Variants in TTC34 observed in about 807,000 individuals in gnomAD.
TTC34 encodes tetratricopeptide repeat domain 34, also known as tetratricopeptide repeat protein 34.
TTC34 carries 44 observed loss-of-function variants against 40.7 expected under a neutral mutation model. The ratio of observed to expected loss-of-function variants is 1.08; its 90% CI spans 0.85 to 1.39. The LOEUF is 1.39. Among genes scored for constraint, TTC34 ranks in the 40% most tolerant of loss-of-function variants. TTC34 has a pLI of 0.00. For synonymous variants in TTC34, 422 were observed against 398.6 expected, an observed-to-expected ratio of 1.06 and a Z score of -0.70; for missense variants, 884 against 838.0, an observed-to-expected ratio of 1.05 and a Z score of -0.68.
At chr1:2,755,780 A>C (rs1301445261) in intron 6 of TTC34, among the ~76,000 whole-genome samples, 6 of 89,322 alleles carry the variant, frequency 6.7e-5, no homozygotes, top group African/African-American at 2.4e-4. Context: ...AACGGCACCC[A>C]CACCCCCAGG....
rs34608061 is a variant in TTC34 at position 2,699,475 on chromosome 1, C to A, written c.2227-53912G>T. ...GCACCCACAGGCGAGCATCTGACAG[C>A]CTGGAGCAGCACCCACACACCCAGG... On this transcript the variant is annotated intron_variant, in intron 6 of 8. Coordinates refer to ENST00000401095, the Ensembl canonical transcript of TTC34. 1.6e-5 allele frequency among the ~76,000 whole-genome samples: 2 copies of A among 121,618 alleles called. 1 individual carries two copies. Among genetic ancestry groups the A allele is most frequent in the East Asian group, 5.2e-4 (2 of 3,860 alleles). 79.8% of individuals were successfully genotyped at this position (121,618 alleles called of 152,430 possible).
chr1:2,759,425 T>A (rs1424276243), intron 6 of TTC34, among the ~76,000 whole-genome samples: 174 of 7,332 alleles, frequency 0.024, no homozygotes, highest in African/African-American at 0.034. Flanking sequence ...ACAGCCTGGA[T>A]CAGCACCCAC....
At chr1:2,778,704 C>A (rs1643409779) in intron 6 of TTC34, among the ~76,000 whole-genome samples, 1 of 152,236 alleles carries the variant, frequency 6.6e-6, no homozygotes, top group East Asian at 1.9e-4. Context: ...GGAGGGGCAG[C>A]ACCCACCCTC....
chr1:2,748,921 CGCCAGGGGAG>C (rs1641230264), intron 6 of TTC34, among the ~76,000 whole-genome samples: 1 of 117,590 alleles, frequency 8.5e-6, no homozygotes, highest in Admixed American at 8.4e-5. Context: ...GAACCCACAC[CGCCAGGGGAG>C]TATCTGACAG....
Position 2,655,554 on chromosome 1 carries a change from C to A in TTC34, c.2227-9991G>T, listed in dbSNP as rs1443294917. Among the ~76,000 whole-genome samples, 3 of 131,650 alleles carry A rather than the reference C, an allele frequency of 2.3e-5. No individual in the cohort carries two copies. In the East Asian group the frequency reaches 7.1e-4, roughly 31 times the overall value. The allele number at this position is 131,650 out of a possible 152,430, so 86.4% of individuals were successfully genotyped here. On this transcript the variant is annotated intron_variant, in intron 6 of 8. Coordinates refer to ENST00000401095, the Ensembl canonical transcript of TTC34. ...CACACCCCCAGTGAGCATCTGACAG[C>A]CTGCAACAGCTCTCACAACCCCAGG...
intron 6 of TTC34, among the ~76,000 whole-genome samples, chr1:2,683,336 G>A (rs1477880091): frequency 2.0e-5 from 3 of 147,816 alleles, no homozygotes; most frequent in Non-Finnish European, 3.0e-5. Context: ...TGACAGACTG[G>A]AACACCACCC....
chr1:2,754,901 C>T (rs1641455430), intron 6 of TTC34, among the ~76,000 whole-genome samples: 1 of 81,996 alleles, frequency 1.2e-5, no homozygotes, highest in African/African-American at 8.8e-5. Flanking sequence ...ACCCTGCACC[C>T]CCAGGGGAGC....
chr1:2,682,506 C>G (rs1252722520), intron 6 of TTC34, among the ~76,000 whole-genome samples: 2 of 105,072 alleles, frequency 1.9e-5, no homozygotes, highest in Non-Finnish European at 4.2e-5. Flanking sequence ...GCAGTGCCCA[C>G]ACACCCAGGC....
rs1402280628 is a variant in TTC34 at position 2,645,334 on chromosome 1, G to A, written c.2456C>T (p.Pro819Leu). 2.0e-5 allele frequency: 30 copies of A among 1,520,574 alleles called. No individual in the cohort carries two copies. The highest frequency in any genetic ancestry group is 1.7e-4 in the Middle Eastern group (1 of 5,920). 94.2% of individuals were successfully genotyped at this position (1,520,574 alleles called of 1,614,324 possible). ...GTCTGCCAGGAGGAGGTGCCAGTGC[G>A]GTTGCCCTGAGTCGATTTTGATCAG... is the stretch of plus-strand genomic sequence containing the variant. The change falls in exon 7 of 9, where the codon CCG becomes CTG. Residue 819 changes from proline (P) to leucine (L), a missense_variant. Physicochemically the swap from Pro to Leu is moderately conservative, Grantham distance 98. Coordinates refer to ENST00000401095, the Ensembl canonical transcript of TTC34. The surrounding 1 kb of genome is among the most constrained non-coding windows in gnomAD (Gnocchi z 4.7).
At chr1:2,755,660 C>A (rs1449380409) in intron 6 of TTC34, among the ~76,000 whole-genome samples, 5 of 116,918 alleles carry the variant, frequency 4.3e-5, no homozygotes, top group Non-Finnish European at 6.7e-5. Context: ...GCAGCACCCA[C>A]AACCACAGGT....
At chr1:2,684,797 C>G (rs1342707049) in intron 6 of TTC34, among the ~76,000 whole-genome samples, 10 of 119,174 alleles carry the variant, frequency 8.4e-5, no homozygotes, top group South Asian at 2.7e-4. Context: ...GCACCCACAC[C>G]CCCAGGTGAG....
intron 6 of TTC34, among the ~76,000 whole-genome samples, chr1:2,752,219 A>T (rs1407125428): frequency 8.5e-6 from 1 of 117,620 alleles, no homozygotes; most frequent in Non-Finnish European, 1.7e-5. Context: ...CCCCCAGGTG[A>T]GCATCTGACA....
intron 5 of TTC34, among the ~76,000 whole-genome samples, chr1:2,784,460 C>T (rs2100622118): frequency 6.6e-6 from 1 of 152,270 alleles, no homozygotes; most frequent in South Asian, 2.1e-4. Flanking sequence ...GGATGATATC[C>T]AGCCTTCCAT....
chr1:2,764,280 C>T (rs1369274685), intron 6 of TTC34, among the ~76,000 whole-genome samples: 1 of 148,370 alleles, frequency 6.7e-6, no homozygotes, highest in Non-Finnish European at 1.5e-5. Flanking sequence ...GAGCATCTGA[C>T]AGCCTGGAGC....
At chr1:2,676,890 A>C (rs1329041005) in intron 6 of TTC34, among the ~76,000 whole-genome samples, 67 of 55,358 alleles carry the variant, frequency 1.2e-3, no homozygotes, top group East Asian at 2.0e-3. Flanking sequence ...CCCCACACCC[A>C]CAGGTGAGCA....
At chr1:2,797,280 C>T (rs768042486) in intron 2 of TTC34, among the ~76,000 whole-genome samples, 1 of 152,148 alleles carries the variant, frequency 6.6e-6, no homozygotes, top group Non-Finnish European at 1.5e-5. Flanking sequence ...GCCATCCTCA[C>T]CTCCAGATGT....
At chr1:2,785,877 G>C in exon 5 of TTC34, 1 of 1,540,362 alleles carries the variant, frequency 6.5e-7, no homozygotes, top group Non-Finnish European at 8.8e-7. Context: ...GAACCCTGCC[G>C]TCGGCCCCGC....
intron 6 of TTC34, among the ~76,000 whole-genome samples, chr1:2,751,353 G>T (rs1479891083): frequency 3.6e-5 from 3 of 83,312 alleles, no homozygotes; most frequent in South Asian, 8.5e-4. Context: ...GACAGCCTGG[G>T]TCGGCACCCA....
chr1:2,656,366 GCACCCACACCCACA>G (rs1639345504), intron 6 of TTC34, among the ~76,000 whole-genome samples: 1 of 95,182 alleles, frequency 1.1e-5, no homozygotes, highest in Non-Finnish European at 2.0e-5. Context: ...GCCTGGAACA[GCACCCACACCCACA>G]GGTGAGCATC....
Sources: allele counts gnomAD v4.1 joint callset (sites outside exome capture counted in the v4.1 genomes callset), GRCh38; gene constraint gnomAD v4.1.1; non-coding constraint Gnocchi (gnomAD v3.1); transcripts MANE v1.5; gene names NCBI Gene and HGNC (gene_info 2026-07-23, HGNC 2026-07-21).